The following RNF125 variants were observed in gnomAD, a reference collection of about 807,000 sequenced individuals.
RNF125 encodes E3 ubiquitin-protein ligase RNF125.
A neutral mutation model predicts 26.0 loss-of-function variants in RNF125; 21 were observed. The observed-to-expected ratio is 0.81, with a 90% CI of 0.57 to 1.16. RNF125 has a LOEUF of 1.16. Among genes scored for constraint, RNF125 ranks in the 50% most tolerant of loss-of-function variants. The pLI, the probability that RNF125 is intolerant of heterozygous loss-of-function variation, is 0.00. For missense variants in RNF125, 270 were observed against 299.4 expected, an observed-to-expected ratio of 0.90 and a Z score of 0.72; for synonymous variants, 95 against 109.2, an observed-to-expected ratio of 0.87 and a Z score of 0.81.
In RNF125 at chr18:32,068,383, A is replaced by C; in HGVS notation, c.698A>C (p.Ter233SerextTer3). 6.4e-7 allele frequency: 1 copy of C among 1,563,848 alleles called. No individual in the cohort carries two copies. The highest frequency in any genetic ancestry group is 8.8e-7 in the Non-Finnish European group (1 of 1,134,514). Residue 233 changes from the stop codon to serine (S), a stop_lost, in exon 6 of 6, where the codon TAA (stop) becomes TCA (serine). Coordinates refer to ENST00000217740, the MANE Select transcript of RNF125 (RefSeq NM_017831.4). Reference protein sequence around the residue: ...LEYVNHSNTT* With the variant: ...LEYVNHSNTTS ...TATGTGAATCACTCGAACACCACAT[A>C]ATTTTATTAAAACGAAGGGAAAAGG...
At chr18:32,027,815 G>A (rs982513847) in intron 1 of RNF125, among the ~76,000 whole-genome samples, 3 of 152,022 alleles carry the variant, frequency 2.0e-5, no homozygotes, top group Admixed American at 6.6e-5. Flanking sequence ...GCATATGGGC[G>A]TGGGAGTCAT....
the RNF125 span, among the ~76,000 whole-genome samples, chr18:32,080,110 C>T: frequency 7.2e-5 from 11 of 152,154 alleles, no homozygotes; most frequent in Non-Finnish European, 1.6e-4. Context: ...CTCACTACAA[C>T]CTCCGCCTCC....
intron 2 of RNF125, among the ~76,000 whole-genome samples, chr18:32,041,383 G>A (rs2039215326): frequency 1.3e-5 from 2 of 152,260 alleles, no homozygotes; most frequent in South Asian, 2.1e-4. Flanking sequence ...CTAAGGCACA[G>A]TGTTTCATTT....
Position 32,068,922 on chromosome 18 carries a change from G to A in RNF125, c.*538G>A, listed in dbSNP as rs1225606293. 6.5e-6 allele frequency: 1 copy of A among 152,766 alleles called. No individual in the cohort carries two copies. The highest frequency in any genetic ancestry group is 1.5e-5 in the Non-Finnish European group (1 of 68,434). The allele number at this position is 152,766 out of a possible 1,614,324, so 9.5% of individuals were successfully genotyped here. ...TCAAGAAAGTCCATTTAGGCCGGAC[G>A]CGGTGGCTTACGCTTGTAATCCCAG... is the stretch of plus-strand genomic sequence containing the variant. On this transcript the variant is annotated 3_prime_UTR_variant, in exon 6 of 6. Coordinates refer to ENST00000217740, the MANE Select transcript of RNF125 (RefSeq NM_017831.4).
chr18:32,069,378 A>G lies in RNF125; in HGVS notation c.*994A>G, dbSNP rs1214566353. ...TTAGAAATATTTCTATAATATAAGC[A>G]ATTTCTTAAAAACCATCAGATGATA... On this transcript the variant is annotated 3_prime_UTR_variant, in exon 6 of 6. Transcript: ENST00000217740. 1 of 152,224 alleles carries G rather than the reference A, an allele frequency of 6.6e-6. No individual in the cohort carries two copies. The highest frequency in any genetic ancestry group is 1.5e-5 in the Non-Finnish European group (1 of 68,052). 9.4% of individuals were successfully genotyped at this position (152,224 alleles called of 1,614,324 possible). A position where few individuals can be genotyped will look rare whatever the true frequency, so the allele number is the denominator to read the frequency against.
chr18:32,073,982 A>G (rs962522389), downstream of RNF125, among the ~76,000 whole-genome samples: 16 of 152,362 alleles, frequency 1.1e-4, no homozygotes, highest in African/African-American at 3.6e-4. Context: ...AAGACAATGC[A>G]TGGATCTTAA....
At chr18:32,067,053 C>T (rs1412825107) in intron 5 of RNF125, among the ~76,000 whole-genome samples, 1 of 152,166 alleles carries the variant, frequency 6.6e-6, no homozygotes, top group Non-Finnish European at 1.5e-5. Flanking sequence ...GAGATCGTGA[C>T]CATCCTGGCT....
chr18:32,085,819 A>C, the RNF125 span, among the ~76,000 whole-genome samples: 2 of 151,548 alleles, frequency 1.3e-5, no homozygotes, highest in Non-Finnish European at 2.9e-5. Context: ...TCAGCTGGTA[A>C]GGGAAACTGG....
At chr18:32,036,158 A>G (rs1206706344) in intron 1 of RNF125, among the ~76,000 whole-genome samples, 1 of 151,028 alleles carries the variant, frequency 6.6e-6, no homozygotes, top group East Asian at 1.9e-4. Flanking sequence ...CCATCTCAAA[A>G]AAAAAAAAAA....
At chr18:32,054,017 T>C (rs1451557542) in intron 4 of RNF125, among the ~76,000 whole-genome samples, 2 of 151,918 alleles carry the variant, frequency 1.3e-5, no homozygotes, top group Non-Finnish European at 2.9e-5. Flanking sequence ...AATAGACCTA[T>C]GTTAGATGCT....
intron 2 of RNF125, among the ~76,000 whole-genome samples, chr18:32,039,180 T>C (rs571113424): frequency 4.1e-4 from 62 of 151,574 alleles, no homozygotes; most frequent in Non-Finnish European, 8.1e-4. Context: ...GGCGGGAGGA[T>C]TGCTTGAGCT....
intron 2 of RNF125, among the ~76,000 whole-genome samples, chr18:32,039,732 A>C (rs1299826886): frequency 6.7e-6 from 1 of 148,706 alleles, no homozygotes; most frequent in Non-Finnish European, 1.5e-5. Flanking sequence ...CCCCTCCCCC[A>C]TTATCTGATT....
Position 32,028,297 on chromosome 18 carries a change from TAAAA to T in RNF125, c.165-8794_165-8791del, listed in dbSNP as rs1156859954. ...TGGGCAACAGAGCGAGACTCCGTCT[TAAAA>T]AAAAAAAAAAAAAAAAAAAAAAAAT... is the stretch of plus-strand genomic sequence containing the variant. On this transcript the variant is annotated intron_variant, in intron 1 of 5. Coordinates refer to ENST00000217740, the MANE Select transcript of RNF125 (RefSeq NM_017831.4). Among the ~76,000 whole-genome samples the T allele has an allele frequency of 2.1e-3, 150 of 72,388 alleles. 2 individuals carry two copies. The highest frequency in any genetic ancestry group is 7.7e-3 in the African/African-American group (133 of 17,288). The allele number at this position is 72,388 out of a possible 152,430, so 47.5% of individuals were successfully genotyped here. A position where few individuals can be genotyped will look rare whatever the true frequency, so the allele number is the denominator to read the frequency against.
intron 3 of RNF125, 71 bp from the exon 4 acceptor site, chr18:32,045,561 CAAAAAAAAAA>C: frequency 2.8e-6 from 2 of 717,916 alleles, no homozygotes; most frequent in South Asian, 4.0e-5. Context: ...ACTCTTGTCT[CAAAAAAAAAA>C]AGAAAAAAAA....
chr18:32,041,661 C>T (rs1161997718), intron 2 of RNF125, among the ~76,000 whole-genome samples: 4 of 103,120 alleles, frequency 3.9e-5, no homozygotes, highest in Admixed American at 3.0e-4. Flanking sequence ...GACGGAGTCT[C>T]GCTCTGTCGC....
intron 2 of RNF125, chr18:32,041,847 G>C (rs1165992161): frequency 2.2e-5 from 4 of 183,528 alleles, no homozygotes; most frequent in East Asian, 3.3e-4. Context: ...AGCCGGGATG[G>C]TCTCGATCTC....
At chr18:32,081,378 C>G in the RNF125 span, among the ~76,000 whole-genome samples, 1 of 152,016 alleles carries the variant, frequency 6.6e-6, no homozygotes, top group East Asian at 1.9e-4. Flanking sequence ...ATCTTACTGG[C>G]AAAGCTCTTG....
chr18:32,050,864 G>GTTTT (rs2039317835), intron 4 of RNF125, among the ~76,000 whole-genome samples: 1 of 71,262 alleles, frequency 1.4e-5, no homozygotes, highest in African/African-American at 6.0e-5. Context: ...GGTCTAGAGT[G>GTTTT]CTTTTTTTTT....
chr18:32,088,790 A>G, the RNF125 span, among the ~76,000 whole-genome samples: 1 of 152,092 alleles, frequency 6.6e-6, no homozygotes. Context: ...ATGATCCACC[A>G]CGCCTGGTCT....
Sources: gnomAD v4.1 joint callset for allele counts (sites outside exome capture counted in the v4.1 genomes callset) on GRCh38, gnomAD v4.1.1 for gene constraint, MANE v1.5 for transcripts, NCBI Gene and HGNC (gene_info 2026-07-23, HGNC 2026-07-21) for gene names.